RCL1: variants seen among roughly 807,000 people sequenced by gnomAD.
RCL1 encodes the protein RNA terminal phosphate cyclase like 1.
RCL1 carries 24 observed loss-of-function variants against 42.4 expected under a neutral mutation model. The ratio of observed to expected loss-of-function variants is 0.57; its 90% confidence interval spans 0.41 to 0.80. RCL1 has a LOEUF of 0.80. Ranked by LOEUF, RCL1 falls within the 30% of genes least tolerant of loss-of-function variation. The probability of loss-of-function intolerance (pLI) is 0.00; values close to 1 mark genes in which losing one functional copy is unlikely to be tolerated. For synonymous variants in RCL1, 228 were observed against 177.3 expected (o/e 1.29, Z -2.27); for missense variants, 578 against 467.9 (o/e 1.24, Z -2.17).
chr9:4,830,854 A>G (rs992611864), intron 3 of RCL1, among the ~76,000 whole-genome samples: 1 of 152,128 alleles, frequency 6.6e-6, no homozygotes, highest in Non-Finnish European at 1.5e-5. Context: ...ACTGCGCTGT[A>G]ATGGTAATAC....
At chr9:4,807,260 A>T (rs776919906) in intron 1 of RCL1, among the ~76,000 whole-genome samples, 5 of 151,894 alleles carry the variant, frequency 3.3e-5, no homozygotes, top group African/African-American at 9.7e-5. Flanking sequence ...TCAGTTTTCA[A>T]TTTATTTCTG....
intron 1 of RCL1, among the ~76,000 whole-genome samples, chr9:4,818,871 CAAAA>C (rs34209971): frequency 3.5e-5 from 4 of 115,150 alleles, no homozygotes; most frequent in African/African-American, 6.7e-5. Context: ...GACTCTGTCT[CAAAA>C]AAAAAAAAAA....
At position 4,793,147 on chromosome 9, in the gene RCL1, G is replaced by C; in HGVS notation, c.56G>C (p.Arg19Pro). The change falls in exon 1 of 9, where the codon CGT becomes CCT. Residue 19 changes from arginine to proline, a missense_variant. Physicochemically the swap from Arg to Pro is moderately radical, Grantham distance 103. Transcript: ENST00000381750. ...GCAGGGTGCAACTTCTTGCGCCAAC[G>C]TCTGGTCCTGTCTACCCTGAGCGGG... ...SYAGCNFLRQ[R>P]LVLSTLSGRP... The C allele has an allele frequency of 6.2e-7, 1 of 1,612,286 alleles. No individual in the cohort carries two copies. Among genetic ancestry groups the C allele is most frequent in the Non-Finnish European group, 8.5e-7 (1 of 1,179,312 alleles).
chr9:4,841,195 A>T (rs765799195), intron 5 of RCL1, 37 bp from the exon 6 acceptor site: 1 of 1,613,312 alleles, frequency 6.2e-7, no homozygotes, highest in South Asian at 1.1e-5. Flanking sequence ...CTGTCCTGGA[A>T]TTCAAGCAGA....
intron 1 of RCL1, among the ~76,000 whole-genome samples, chr9:4,823,082 G>C (rs1449104702): frequency 6.6e-6 from 1 of 152,146 alleles, no homozygotes; most frequent in Admixed American, 6.5e-5. Context: ...ATCTCTTACT[G>C]TCTCTGAGAC....
chr9:4,819,886 C>T (rs1185289705), intron 1 of RCL1, among the ~76,000 whole-genome samples: 14 of 152,154 alleles, frequency 9.2e-5, no homozygotes. Flanking sequence ...TACACTTGTG[C>T]CCACCAAATT....
intron 3 of RCL1, among the ~76,000 whole-genome samples, chr9:4,829,906 A>G (rs934894747): frequency 6.6e-6 from 1 of 152,218 alleles, no homozygotes; most frequent in Middle Eastern, 3.2e-3. Context: ...CACAGGTCAC[A>G]GCTGACCTCA....
At position 4,818,964 on chromosome 9, in the gene RCL1, G is replaced by A. The variant is rs1338271130; in HGVS notation, c.137-4584G>A. On this transcript the variant is annotated intron_variant, in intron 1 of 8. Coordinates refer to ENST00000381750, the MANE Select transcript of RCL1 (RefSeq NM_005772.5). ...ACATAATTAAATAATTATTTTAAAA[G>A]CATTTCTTAGGGGCACATGGTATTA... Among the ~76,000 whole-genome samples, 21 of 151,520 alleles carry A rather than the reference G, an allele frequency of 1.4e-4. 1 individual carries two copies. The highest frequency in any genetic ancestry group is 1.3e-3 in the Admixed American group (20 of 15,208).
intron 1 of RCL1, among the ~76,000 whole-genome samples, chr9:4,807,387 A>G (rs1398792870): frequency 1.3e-5 from 2 of 152,208 alleles, no homozygotes; most frequent in Non-Finnish European, 2.9e-5. Context: ...ATGTATTTAA[A>G]GCAATTACAT....
At chr9:4,800,644 G>C (rs1175198837) in intron 1 of RCL1, among the ~76,000 whole-genome samples, 1 of 148,588 alleles carries the variant, frequency 6.7e-6, no homozygotes, top group Non-Finnish European at 1.5e-5. Context: ...GTTTTCCAGT[G>C]TGGATGTATT....
rs184125210 is a variant in RCL1, at chr9:4,826,611, G to A, written c.209-247G>A. 2.2e-4 allele frequency among the ~76,000 whole-genome samples: 33 copies of A among 152,336 alleles called. No homozygotes were observed. The East Asian group carries it at 3.7e-3, about 17-fold the overall frequency. On this transcript the variant is annotated intron_variant, in intron 2 of 8. Coordinates refer to ENST00000381750, the MANE Select transcript of RCL1 (RefSeq NM_005772.5). ...GCCCTGCCATGACTCTGGCAACTCA[G>A]ATGGCTCAGAGAGGGGTTTACTTTA...
intron 1 of RCL1, among the ~76,000 whole-genome samples, chr9:4,805,523 A>G (rs766546492): frequency 8.5e-5 from 13 of 152,264 alleles, no homozygotes; most frequent in Non-Finnish European, 1.3e-4. Context: ...TTTTATATAC[A>G]AAAGTTTTTA....
chr9:4,855,463 A>G (rs1458048848), intron 8 of RCL1, among the ~76,000 whole-genome samples: 2 of 151,914 alleles, frequency 1.3e-5, no homozygotes, highest in Non-Finnish European at 2.9e-5. Flanking sequence ...TGAACTCAAG[A>G]GGCGGTGCCT....
At chr9:4,798,959 T>G (rs1842955352) in intron 1 of RCL1, among the ~76,000 whole-genome samples, 1 of 151,674 alleles carries the variant, frequency 6.6e-6, no homozygotes, top group Admixed American at 6.6e-5. Context: ...TGGAAGCTGT[T>G]GTATAAATGC....
At chr9:4,817,379 T>C (rs1816418551) in intron 1 of RCL1, among the ~76,000 whole-genome samples, 1 of 152,088 alleles carries the variant, frequency 6.6e-6, no homozygotes, top group African/African-American at 2.4e-5. Flanking sequence ...TTTTTTATTT[T>C]ATTGAGTCCT....
Position 4,860,200 on chromosome 9 carries a change from A to T in RCL1, c.1047A>T (p.Glu349Asp), listed in dbSNP as rs371229350. 10 of 1,613,118 alleles carry T rather than the reference A, an allele frequency of 6.2e-6. No individual in the cohort carries two copies. The highest frequency in any genetic ancestry group is 1.3e-5 in the African/African-American group (1 of 74,982). The change falls in exon 9 of 9, where the codon GAA becomes GAT. Residue 349 changes from glutamate to aspartate, a missense_variant. Physicochemically the swap from Glu to Asp is conservative, Grantham distance 45. Coordinates refer to ENST00000381750, the MANE Select transcript of RCL1 (RefSeq NM_005772.5). ...FKIETKPCGE[E>D]LKGGDKVLMT... ...TTGAAACCAAGCCATGTGGTGAAGA[A>T]CTCAAGGGTGGGGATAAAGTGCTGA...
intron 7 of RCL1, among the ~76,000 whole-genome samples, chr9:4,849,153 T>C (rs564706259): frequency 1.4e-5 from 2 of 138,218 alleles, no homozygotes; most frequent in Non-Finnish European, 3.0e-5. Context: ...GCTTTAATGA[T>C]AAAGGGAAAG....
At chr9:4,802,086 T>A (rs1411214072) in intron 1 of RCL1, among the ~76,000 whole-genome samples, 2 of 148,612 alleles carry the variant, frequency 1.3e-5, no homozygotes, top group Non-Finnish European at 3.0e-5. Context: ...TTTTTTTTTT[T>A]TTTTTTTTTT....
chr9:4,841,225 G>A lies in RCL1; in HGVS notation c.585-7G>A. The stretch of plus-strand genomic sequence containing the variant: ...AGCAGAATGACATCCTTAACTCCAG[G>A]CTGCAGGTACTCTGTACGTGTGTCA... On this transcript the variant is annotated splice_polypyrimidine_tract_variant and splice_region_variant and intron_variant, in intron 5 of 8. Transcript: ENST00000381750. 1 of 1,613,876 alleles carries A rather than the reference G, an allele frequency of 6.2e-7. No homozygotes were observed.
Sources: gnomAD v4.1 joint callset for allele counts (sites outside exome capture counted in the v4.1 genomes callset) on GRCh38, gnomAD v4.1.1 for gene constraint, MANE v1.5 for transcripts, NCBI Gene and HGNC (gene_info 2026-07-23, HGNC 2026-07-21) for gene names.